The following CHRM3 variants were observed in gnomAD, a reference collection of about 807,000 sequenced individuals.
CHRM3 encodes the protein cholinergic receptor muscarinic 3.
CHRM3 carries 11 observed loss-of-function variants against 41.8 expected under a neutral mutation model. The observed-to-expected ratio is 0.26, with a 90% CI of 0.17 to 0.44. The LOEUF (loss-of-function observed/expected upper bound fraction) is 0.44. Among genes scored for constraint, CHRM3 ranks in the 20% least tolerant of loss-of-function variants. The probability of loss-of-function intolerance (pLI) is 1.00; values close to 1 mark genes in which losing one functional copy is unlikely to be tolerated. For missense variants in CHRM3, 571 were observed against 745.4 expected (o/e 0.77, Z 2.72); for synonymous variants, 297 against 301.4 (o/e 0.99, Z 0.15).
intron 1 of CHRM3, among the ~76,000 whole-genome samples, chr1:239,395,232 C>T (rs530076721): frequency 2.6e-5 from 4 of 152,172 alleles, no homozygotes; most frequent in South Asian, 2.1e-4. Flanking sequence ...CATACTCTTC[C>T]GTTGCCTCTC....
In CHRM3 at chr1:239,909,089, G is replaced by A; in HGVS notation, c.1638G>A (p.Leu546=). The A allele has an allele frequency of 1.2e-6, 2 of 1,614,106 alleles. No individual in the cohort carries two copies. The highest frequency in any genetic ancestry group is 1.7e-6 in the Non-Finnish European group (2 of 1,180,034). ...NSTVNPVCYA[L]CNKTFRTTFK... ...CCGTGAACCCCGTGTGCTATGCTCT[G>A]TGCAACAAAACATTCAGAACCACTT... Residue 546 remains leucine, a synonymous_variant, in exon 7 of 7, where the codon CTG becomes CTA. Coordinates refer to ENST00000676153, the MANE Select transcript of CHRM3 (RefSeq NM_001375978.1).
At chr1:239,741,606 G>A (rs182331621) in intron 5 of CHRM3, among the ~76,000 whole-genome samples, 77 of 152,220 alleles carry the variant, frequency 5.1e-4, no homozygotes, top group Non-Finnish European at 9.1e-4. Context: ...TAAGGCATGT[G>A]ACTTTGAACA....
intron 3 of CHRM3, among the ~76,000 whole-genome samples, chr1:239,565,124 C>G (rs1005310941): frequency 6.6e-6 from 1 of 152,158 alleles, no homozygotes; most frequent in South Asian, 2.1e-4. Flanking sequence ...TGAGGATACA[C>G]GTGATGACCA....
chr1:239,756,957 T>G (rs1451226706), intron 5 of CHRM3, among the ~76,000 whole-genome samples: 1 of 152,210 alleles, frequency 6.6e-6, no homozygotes, highest in African/African-American at 2.4e-5. Context: ...TTTTAAGCAT[T>G]AGACAAGTGA....
intron 5 of CHRM3, among the ~76,000 whole-genome samples, chr1:239,798,785 C>T (rs2148906505): frequency 6.6e-6 from 1 of 152,258 alleles, no homozygotes; most frequent in Non-Finnish European, 1.5e-5. Context: ...TGGCACTCAG[C>T]TTGGGAGATG....
chr1:239,729,539 A>C (rs376550511), intron 5 of CHRM3, among the ~76,000 whole-genome samples: 1 of 151,948 alleles, frequency 6.6e-6, no homozygotes, highest in African/African-American at 2.4e-5. Flanking sequence ...TCAGTGATAA[A>C]ATTTTGAGCT....
At chr1:239,526,127 T>C (rs1381455226) in intron 2 of CHRM3, among the ~76,000 whole-genome samples, 1 of 152,154 alleles carries the variant, frequency 6.6e-6, no homozygotes, top group African/African-American at 2.4e-5. Context: ...GTTGTCAGCC[T>C]TCCTCCCATC....
intron 1 of CHRM3, among the ~76,000 whole-genome samples, chr1:239,489,652 T>C (rs1667430935): frequency 6.6e-6 from 1 of 152,190 alleles, no homozygotes; most frequent in East Asian, 1.9e-4. Flanking sequence ...TTTTTTGCTA[T>C]TTTGGGGGGC....
At chr1:239,598,121 C>T (rs933617385) in intron 3 of CHRM3, among the ~76,000 whole-genome samples, 3 of 152,104 alleles carry the variant, frequency 2.0e-5, no homozygotes, top group South Asian at 2.1e-4. Context: ...AGCTCACAAA[C>T]GACTACCAGG....
chr1:239,579,435 A>T (rs1204632164), intron 3 of CHRM3, among the ~76,000 whole-genome samples: 3 of 152,128 alleles, frequency 2.0e-5, no homozygotes, highest in Non-Finnish European at 2.9e-5. Flanking sequence ...ATTTTTTCAG[A>T]ATTATAGGAA....
At chr1:239,616,803 G>T (rs775008032) in intron 3 of CHRM3, among the ~76,000 whole-genome samples, 1 of 147,030 alleles carries the variant, frequency 6.8e-6, no homozygotes, top group Non-Finnish European at 1.5e-5. Context: ...TCAAAATGTG[G>T]TATTTGAAGA....
intron 6 of CHRM3, among the ~76,000 whole-genome samples, chr1:239,878,141 C>T (rs538392342): frequency 2.4e-4 from 36 of 151,942 alleles, no homozygotes; most frequent in South Asian, 6.2e-4. Flanking sequence ...CCACCCGCTT[C>T]GGCCTCCCAA....
chr1:239,702,839 A>G (rs1367395751), intron 5 of CHRM3, among the ~76,000 whole-genome samples: 1 of 152,236 alleles, frequency 6.6e-6, no homozygotes, highest in Non-Finnish European at 1.5e-5. Context: ...ATTCCCATTC[A>G]AAGAAAGTAG....
At chr1:239,654,523 C>T (rs1672536022) in intron 4 of CHRM3, among the ~76,000 whole-genome samples, 3 of 152,018 alleles carry the variant, frequency 2.0e-5, no homozygotes, top group African/African-American at 7.2e-5. Flanking sequence ...CTCAGCCTCC[C>T]GAGTAGCTGG....
chr1:239,559,744 G>A (rs1248083683), intron 3 of CHRM3, among the ~76,000 whole-genome samples: 2 of 152,094 alleles, frequency 1.3e-5, no homozygotes, highest in Non-Finnish European at 2.9e-5. Context: ...TACATAGTGC[G>A]TTAATTGTAT....
At chr1:239,842,867 G>T (rs1673934867) in intron 6 of CHRM3, among the ~76,000 whole-genome samples, 1 of 152,158 alleles carries the variant, frequency 6.6e-6, no homozygotes, top group Admixed American at 6.5e-5. Context: ...CCGGGATTCA[G>T]ATCTTCAGCA....
chr1:239,699,419 A>T (rs1189414818), intron 5 of CHRM3, among the ~76,000 whole-genome samples: 1 of 152,082 alleles, frequency 6.6e-6, no homozygotes, highest in Non-Finnish European at 1.5e-5. Flanking sequence ...TTTCCTTCAC[A>T]CTTGCACAAA....
intron 4 of CHRM3, among the ~76,000 whole-genome samples, chr1:239,646,499 G>A (rs1671750809): frequency 6.6e-6 from 1 of 152,190 alleles, no homozygotes; most frequent in African/African-American, 2.4e-5. Context: ...GTTCATGAAA[G>A]TGACATGTTA....
At chr1:239,764,316 C>G (rs528443630) in intron 5 of CHRM3, among the ~76,000 whole-genome samples, 34 of 152,272 alleles carry the variant, frequency 2.2e-4, no homozygotes, top group Non-Finnish European at 4.3e-4. Context: ...AATATTGACA[C>G]TAGTTCGAAG....
Sources: gnomAD v4.1 joint callset for allele counts (sites outside exome capture counted in the v4.1 genomes callset) on GRCh38, gnomAD v4.1.1 for gene constraint, MANE v1.5 for transcripts, NCBI Gene and HGNC (gene_info 2026-07-23, HGNC 2026-07-21) for gene names.